SPON2: variants seen among roughly 807,000 people sequenced by gnomAD.
SPON2 encodes the protein spondin 2.
Under a neutral mutation model 29.9 loss-of-function variants are expected in SPON2, and 32 were observed. The ratio of observed to expected loss-of-function variants is 1.07; its 90% CI spans 0.81 to 1.44. The LOEUF (loss-of-function observed/expected upper bound fraction) is 1.44, where lower values mean the gene tolerates loss of function less well. Ranked by LOEUF, SPON2 falls within the 40% of genes most tolerant of loss-of-function variation. The pLI is 0.00. For missense variants in SPON2, 541 were observed against 455.5 expected (o/e 1.19, Z -1.71); for synonymous variants, 248 against 209.1 (o/e 1.19, Z -1.61).
chr4:1,186,208 T>C (rs554356128), intron 1 of SPON2, among the ~76,000 whole-genome samples: 2,525 of 141,992 alleles, frequency 0.018, 66 homozygotes, highest in African/African-American at 0.063. Flanking sequence ...CGGGCCACTA[T>C]ACTCCAGCTT....
upstream of SPON2, among the ~76,000 whole-genome samples, chr4:1,176,704 T>A (rs534879911): frequency 1.9e-4 from 29 of 152,234 alleles, no homozygotes; most frequent in Admixed American, 9.1e-4. Flanking sequence ...AGTACATTCA[T>A]GCAATCATCC....
At chr4:1,179,170 C>A (rs1398181479) in intron 2 of SPON2, among the ~76,000 whole-genome samples, 1 of 151,276 alleles carries the variant, frequency 6.6e-6, no homozygotes, top group Non-Finnish European at 1.5e-5. Flanking sequence ...TGAGTGGGGA[C>A]CTTGCCCGGC....
intron 1 of SPON2, among the ~76,000 whole-genome samples, chr4:1,186,118 C>T (rs1727797328): frequency 6.6e-6 from 1 of 150,982 alleles, no homozygotes; most frequent in South Asian, 2.1e-4. Context: ...GTGGTGGGCG[C>T]CTGTAGTCCC....
At chr4:1,197,089 G>A (rs1728085664), upstream of SPON2, 1 of 152,250 alleles carries the variant, frequency 6.6e-6, no homozygotes, top group South Asian at 2.1e-4. Flanking sequence ...GGGGACTTGA[G>A]GGTCACAGGA....
intron 1 of SPON2, among the ~76,000 whole-genome samples, chr4:1,187,966 C>T (rs1727835949): frequency 6.6e-6 from 1 of 151,926 alleles, no homozygotes; most frequent in African/African-American, 2.4e-5. Flanking sequence ...CTTTGGGAGG[C>T]CAAGGCTAGT....
chr4:1,184,341 A>C (rs1197472202), intron 1 of SPON2, among the ~76,000 whole-genome samples: 1 of 152,244 alleles, frequency 6.6e-6, no homozygotes, highest in African/African-American at 2.4e-5. Context: ...GAATACACAC[A>C]CATAATTCAG....
rs766837495 is a variant in SPON2 at position 1,171,350 on chromosome 4, G to A, written c.357C>T (p.Ser119=). The A allele has an allele frequency of 3.3e-5, 53 of 1,609,928 alleles. No homozygotes were observed. Among genetic ancestry groups the A allele is most frequent in the Non-Finnish European group, 4.2e-5 (50 of 1,179,460 alleles). Residue 119 remains serine, a synonymous_variant, in exon 3 of 6, where the codon AGC becomes AGT. Coordinates refer to ENST00000290902, the MANE Select transcript of SPON2 (RefSeq NM_012445.4). ...CGGGCGCCGAAAACACCGCGTGCACGCTCTGCAGCGCCTCCCCCGCCGCCT... is the reference window on the plus strand; with the variant it reads ...CGGGCGCCGAAAACACCGCGTGCACACTCTGCAGCGCCTCCCCCGCCGCCT... The part of the protein sequence containing the change: ...EIEAAGEALQ[S]VHAVFSAPAV...
chr4:1,208,393 A>T (rs1425466031), upstream of SPON2: 1 of 152,226 alleles, frequency 6.6e-6, no homozygotes, highest in Non-Finnish European at 1.5e-5. Context: ...ACTTCCTGCC[A>T]AGGCCCCCGG....
rs1463956458 is a variant in SPON2, at chr4:1,171,519, G to T, written c.221-33C>A. 4 of 1,593,750 alleles carry T rather than the reference G, an allele frequency of 2.5e-6. No homozygotes were observed. In the South Asian group the frequency reaches 4.4e-5, roughly 18 times the overall value. On this transcript the variant is annotated intron_variant, in intron 2 of 5. Transcript: ENST00000290902. The stretch of plus-strand genomic sequence containing the variant: ...ACCACCCGGCCGCGCCGCGGACCAT[G>T]GTCAGACACTGCGGTCGGGCTTGGA...
At chr4:1,182,272 A>G (rs893814982) in intron 1 of SPON2, among the ~76,000 whole-genome samples, 1 of 152,230 alleles carries the variant, frequency 6.6e-6, no homozygotes, top group African/African-American at 2.4e-5. Context: ...GATTGATTAT[A>G]TATCTACTAG....
At chr4:1,170,634 C>G (rs1196973956) in intron 4 of SPON2, 58 bp from the exon 5 acceptor site, 2 of 1,544,788 alleles carry the variant, frequency 1.3e-6, no homozygotes, top group East Asian at 2.4e-5. Context: ...TTCTGGTATG[C>G]GTATGGCCTC....
intron 1 of SPON2, 156 bp downstream of exon 1, chr4:1,172,388 C>T (rs905795283): frequency 2.0e-6 from 1 of 489,216 alleles, no homozygotes; most frequent in African/African-American, 2.0e-5. Context: ...GGACCCGGGG[C>T]CTTGGCCGAC....
Position 1,167,294 on chromosome 4 carries a change from C to T in SPON2, c.*178G>A. On this transcript the variant is annotated 3_prime_UTR_variant, in exon 6 of 6. Transcript: ENST00000290902. ...GTTGGGAAAGGAGGAGGCTGTTTCCCAATGCCCGTGCCGGCCACCAGAGGG... is the reference window on the plus strand; with the variant it reads ...GTTGGGAAAGGAGGAGGCTGTTTCCTAATGCCCGTGCCGGCCACCAGAGGG... 1 of 616,578 alleles carries T rather than the reference C, an allele frequency of 1.6e-6. No individual in the cohort carries two copies. Among genetic ancestry groups the T allele is most frequent in the Non-Finnish European group, 2.7e-6 (1 of 370,946 alleles). 38.2% of individuals were successfully genotyped at this position (616,578 alleles called of 1,614,324 possible).
chr4:1,192,479 T>G (rs955510361), intron 1 of SPON2, among the ~76,000 whole-genome samples: 1 of 152,206 alleles, frequency 6.6e-6, no homozygotes, highest in African/African-American at 2.4e-5. Context: ...GTAGCTAAAC[T>G]CAGTTGCCAT....
chr4:1,179,584 T>C (rs1456055897), intron 1 of SPON2: 1 of 152,212 alleles, frequency 6.6e-6, no homozygotes, highest in Non-Finnish European at 1.5e-5. Context: ...CTCTGGAAAT[T>C]AACCAAAGGC....
At chr4:1,178,794 G>T (rs1203188283) in intron 2 of SPON2, among the ~76,000 whole-genome samples, 1 of 152,100 alleles carries the variant, frequency 6.6e-6, no homozygotes, top group African/African-American at 2.4e-5. Flanking sequence ...TTGTGAGGAG[G>T]GTTGAAGAGA....
chr4:1,171,578 C>G, intron 2 of SPON2, 92 bp from the exon 3 acceptor site: 1 of 1,304,490 alleles, frequency 7.7e-7, no homozygotes, highest in Non-Finnish European at 1.1e-6. Context: ...CCCTCCCCGC[C>G]GCCCGCAGGG....
intron 1 of SPON2, among the ~76,000 whole-genome samples, chr4:1,188,450 T>C (rs1023455954): frequency 4.6e-5 from 7 of 152,104 alleles, no homozygotes; most frequent in Admixed American, 6.5e-5. Flanking sequence ...TTAAGAACCA[T>C]GATTCAACGC....
chr4:1,166,994 AC>A lies in SPON2; in HGVS notation c.*477del, dbSNP rs1168455209. 6.4e-6 allele frequency: 1 copy of A among 155,454 alleles called. No individual in the cohort carries two copies. The highest frequency in any genetic ancestry group is 1.4e-5 in the Non-Finnish European group (1 of 70,314). 9.6% of individuals were successfully genotyped at this position (155,454 alleles called of 1,614,324 possible). On this transcript the variant is annotated 3_prime_UTR_variant, in exon 6 of 6. Coordinates refer to ENST00000290902, the MANE Select transcript of SPON2 (RefSeq NM_012445.4). ...AGAGATCCATAACATGGAAACACTG[AC>A]GCTTCCGAAACCGCCCCATTTATTC...
Sources: allele counts gnomAD v4.1 joint callset (sites outside exome capture counted in the v4.1 genomes callset), GRCh38; gene constraint gnomAD v4.1.1; transcripts MANE v1.5; gene names NCBI Gene and HGNC (gene_info 2026-07-23, HGNC 2026-07-21).